Variants in SHTN1 observed in about 807,000 individuals in gnomAD.
The protein encoded by SHTN1 is shootin 1, also known as shootin-1.
SHTN1 carries 42 observed loss-of-function variants against 83.1 expected under a neutral mutation model. That is an observed-to-expected ratio of 0.51 (90% confidence interval 0.39 to 0.65). SHTN1 has a LOEUF of 0.65. Among genes scored for constraint, SHTN1 ranks in the 30% least tolerant of loss-of-function variants. The pLI is 0.00. For missense variants in SHTN1, 622 were observed against 737.8 expected (o/e 0.84, Z 1.82); for synonymous variants, 224 against 247.7 (o/e 0.90, Z 0.90).
chr10:117,037,444 T>G (rs1030908390), intron 2 of SHTN1, among the ~76,000 whole-genome samples: 15 of 152,218 alleles, frequency 9.9e-5, no homozygotes, highest in African/African-American at 3.1e-4. Context: ...ATATTCCATG[T>G]GCAAGGATAG....
At chr10:117,078,830 T>C (rs1853204765) in intron 1 of SHTN1, among the ~76,000 whole-genome samples, 1 of 152,098 alleles carries the variant, frequency 6.6e-6, no homozygotes, top group Non-Finnish European at 1.5e-5. Flanking sequence ...CTGTGTGACT[T>C]TTGGAAGGTC....
At chr10:117,037,998 C>CAAAA (rs71013632) in intron 2 of SHTN1, among the ~76,000 whole-genome samples, 2,476 of 75,306 alleles carry the variant, frequency 0.033, 228 homozygotes, top group African/African-American at 0.12. Context: ...AGCGAGACTT[C>CAAAA]AAAAAAAAAA....
At chr10:116,921,193 GACCTTTAATGA>G (rs1434763389) in intron 12 of SHTN1, among the ~76,000 whole-genome samples, 1 of 152,010 alleles carries the variant, frequency 6.6e-6, no homozygotes, top group Non-Finnish European at 1.5e-5. Flanking sequence ...AAGGTACCCT[GACCTTTAATGA>G]AAATATATTT....
At chr10:116,918,327 TA>T (rs201624226) in intron 12 of SHTN1, among the ~76,000 whole-genome samples, 2,470 of 138,260 alleles carry the variant, frequency 0.018, 137 homozygotes, top group Admixed American at 0.12. Flanking sequence ...TAGTTCCTTA[TA>T]AAAAAAAAAA....
In SHTN1 at chr10:117,005,140, AG is replaced by A; in HGVS notation, c.-62del. ...GGAGCGGCGCGGGGCACACAGGAGGAGGGGGAAGAAAAAGCAAGATGCCGGT... is the reference window on the plus strand; with the variant it reads ...GGAGCGGCGCGGGGCACACAGGAGGAGGGGAAGAAAAAGCAAGATGCCGGT... On this transcript the variant is annotated 5_prime_UTR_variant, in exon 1 of 17. Transcript: ENST00000355371. The A allele has an allele frequency of 6.4e-7, 1 of 1,555,868 alleles. No homozygotes were observed. The highest frequency in any genetic ancestry group is 2.0e-5 in the Admixed American group (1 of 51,278).
intron 1 of SHTN1, among the ~76,000 whole-genome samples, chr10:117,051,491 G>A (rs1852740435): frequency 6.6e-6 from 1 of 152,062 alleles, no homozygotes; most frequent in African/African-American, 2.4e-5. Context: ...TATCCCTTAT[G>A]AACACAGAAG....
chr10:116,888,891 G>GA (rs918858229), intron 16 of SHTN1, among the ~76,000 whole-genome samples: 1 of 152,234 alleles, frequency 6.6e-6, no homozygotes, highest in African/African-American at 2.4e-5. Context: ...CAGGTGAGGA[G>GA]ATTCTAGGAA....
At chr10:117,033,740 G>T (rs1470199939) in intron 2 of SHTN1, among the ~76,000 whole-genome samples, 1 of 151,746 alleles carries the variant, frequency 6.6e-6, no homozygotes, top group East Asian at 1.9e-4. Context: ...GGAAACTACA[G>T]GCCAATGTTT....
chr10:116,907,508 T>C (rs1848018940), intron 14 of SHTN1, among the ~76,000 whole-genome samples: 1 of 152,202 alleles, frequency 6.6e-6, no homozygotes, highest in Non-Finnish European at 1.5e-5. Flanking sequence ...CATGTTTCCC[T>C]GCTCTGGCTC....
chr10:116,889,676 C>A (rs1266942865), intron 16 of SHTN1, among the ~76,000 whole-genome samples: 1 of 152,192 alleles, frequency 6.6e-6, no homozygotes, highest in Admixed American at 6.5e-5. Context: ...CCTGTTTCTG[C>A]CTTTTCCATG....
intron 1 of SHTN1, among the ~76,000 whole-genome samples, chr10:117,085,837 T>G (rs546607127): frequency 6.6e-6 from 1 of 152,308 alleles, no homozygotes; most frequent in Non-Finnish European, 1.5e-5. Flanking sequence ...TTATTTTTTT[T>G]GCAGATTGAC....
chr10:116,918,400 A>G (rs1848444781), intron 12 of SHTN1, among the ~76,000 whole-genome samples: 1 of 152,260 alleles, frequency 6.6e-6, no homozygotes, highest in East Asian at 1.9e-4. Flanking sequence ...TACCTTGAAG[A>G]AACGAAAATG....
At chr10:116,954,320 T>A (rs2133427521) in intron 4 of SHTN1, 110 bp from the exon 5 acceptor site, 1 of 648,680 alleles carries the variant, frequency 1.5e-6, no homozygotes, top group East Asian at 2.8e-5. Flanking sequence ...TCATCAACAC[T>A]CACAGCAGGA....
intron 3 of SHTN1, 63 bp downstream of exon 3, chr10:116,968,589 C>G (rs1487715058): frequency 1.7e-6 from 2 of 1,189,056 alleles, no homozygotes; most frequent in Non-Finnish European, 2.5e-6. Flanking sequence ...GGGTATAAGT[C>G]TACTCACATA....
At chr10:116,929,306 TTTTGA>T (rs1187180025) in intron 10 of SHTN1, among the ~76,000 whole-genome samples, 4 of 152,206 alleles carry the variant, frequency 2.6e-5, no homozygotes, top group Non-Finnish European at 5.9e-5. Context: ...TGAATAAATC[TTTTGA>T]TTTAAGTATC....
intron 12 of SHTN1, among the ~76,000 whole-genome samples, chr10:116,917,789 C>T (rs894080280): frequency 6.6e-6 from 1 of 152,182 alleles, no homozygotes; most frequent in African/African-American, 2.4e-5. Flanking sequence ...AGACGTGCCA[C>T]TATCTGTATT....
chr10:116,978,435 A>G (rs577421127), intron 2 of SHTN1, among the ~76,000 whole-genome samples: 1 of 152,174 alleles, frequency 6.6e-6, no homozygotes, highest in Admixed American at 6.5e-5. Flanking sequence ...ATGTTCTGAA[A>G]TATTTAGCCT....
At chr10:117,042,927 C>T (rs1371533256) in intron 2 of SHTN1, among the ~76,000 whole-genome samples, 4 of 151,944 alleles carry the variant, frequency 2.6e-5, no homozygotes, top group African/African-American at 9.7e-5. Context: ...TTTTTCTATT[C>T]TATTAACTAA....
chr10:117,092,389 A>G (rs1044797089), intron 1 of SHTN1, among the ~76,000 whole-genome samples: 2 of 152,228 alleles, frequency 1.3e-5, no homozygotes, highest in African/African-American at 4.8e-5. Flanking sequence ...CCAAGCTACA[A>G]CATCCTTTAT....
Sources: allele counts gnomAD v4.1 joint callset (sites outside exome capture counted in the v4.1 genomes callset), GRCh38; gene constraint gnomAD v4.1.1; transcripts MANE v1.5; gene names NCBI Gene and HGNC (gene_info 2026-07-23, HGNC 2026-07-21).